Variants in ANKRD27 observed in about 807,000 individuals in gnomAD.
ANKRD27 encodes the protein ankyrin repeat domain 27.
ANKRD27 carries 112 observed loss-of-function variants against 129.7 expected under a neutral mutation model. The ratio of observed to expected loss-of-function variants is 0.86; its 90% CI spans 0.74 to 1.01. The LOEUF is 1.01. Among genes scored for constraint, ANKRD27 ranks in the 50% least tolerant of loss-of-function variants. ANKRD27 has a pLI of 0.00. For missense variants in ANKRD27, 1,258 were observed against 1,300.5 expected (o/e 0.97, Z 0.50); for synonymous variants, 516 against 511.2 (o/e 1.01, Z -0.13).
At position 32,627,541 on chromosome 19, in the gene ANKRD27, G is replaced by A. The variant is rs143918630; in HGVS notation, c.1420+542C>T. ...AGCCTCCCAAGAAGCTGGGATTATA[G>A]GCGTGACCACCACAACAGGCTCATT... is the stretch of plus-strand genomic sequence containing the variant. On this transcript the variant is annotated intron_variant, in intron 15 of 28. Transcript: ENST00000306065. Among the ~76,000 whole-genome samples, 673 of 151,904 alleles carry A rather than the reference G, an allele frequency of 4.4e-3. 9 individuals are homozygous for A. The highest frequency in any genetic ancestry group is 6.2e-3 in the Non-Finnish European group (422 of 67,962).
At chr19:32,664,055 C>CAAAAAA (rs869264224) in intron 1 of ANKRD27, among the ~76,000 whole-genome samples, 8 of 31,222 alleles carry the variant, frequency 2.6e-4, no homozygotes, top group African/African-American at 4.1e-4. Flanking sequence ...GACTCTGTCT[C>CAAAAAA]AAAAAAAAAA....
intron 2 of ANKRD27, among the ~76,000 whole-genome samples, chr19:32,650,810 C>T (rs1021432089): frequency 2.2e-5 from 3 of 134,402 alleles, no homozygotes; most frequent in East Asian, 2.2e-4. Context: ...AGTGCAGTGG[C>T]GCAATCATAG....
chr19:32,599,912 G>A (rs967788335), intron 27 of ANKRD27, 60 bp downstream of exon 27: 117 of 1,523,592 alleles, frequency 7.7e-5, no homozygotes, highest in Admixed American at 3.8e-4. Context: ...AGCAGCTTAC[G>A]TGCAGCTTGG....
rs374489955 is a variant in ANKRD27 at position 32,656,455 on chromosome 19, A to G, written c.102+2459T>C. Among the ~76,000 whole-genome samples, 34 of 152,246 alleles carry G rather than the reference A, an allele frequency of 2.2e-4. No individual in the cohort carries two copies. In the South Asian group the frequency reaches 3.5e-3, roughly 16 times the overall value. On this transcript the variant is annotated intron_variant, in intron 2 of 28. Transcript: ENST00000306065. ...GTATGCACTCGCTCAGTGAATGACC[A>G]TCTTTCGCACTAGAATTTAAGCTCC...
At chr19:32,613,706 C>CTTTTTTTTTTTTT (rs58394462) in intron 22 of ANKRD27, among the ~76,000 whole-genome samples, 1 of 132,994 alleles carries the variant, frequency 7.5e-6, no homozygotes. Flanking sequence ...ATTTATGTAA[C>CTTTTTTTTTTTTT]TTTTTTTTTT....
chr19:32,652,123 A>G (rs1967428997), intron 2 of ANKRD27, among the ~76,000 whole-genome samples: 1 of 152,126 alleles, frequency 6.6e-6, no homozygotes, highest in Admixed American at 6.5e-5. Flanking sequence ...GCTTCAGACT[A>G]CTTCTGGAGT....
At chr19:32,651,129 T>C (rs714594) in intron 2 of ANKRD27, among the ~76,000 whole-genome samples, 3,720 of 152,272 alleles carry the variant, frequency 0.024, 76 homozygotes, top group East Asian at 0.12. Flanking sequence ...CCTTAGATGT[T>C]AGGCTAGAAG....
chr19:32,615,067 C>T (rs568969324), intron 22 of ANKRD27, among the ~76,000 whole-genome samples: 8 of 152,220 alleles, frequency 5.3e-5, no homozygotes, highest in Non-Finnish European at 1.0e-4. Context: ...GGAAGGAGAC[C>T]CTTGAGCATC....
intron 4 of ANKRD27, among the ~76,000 whole-genome samples, chr19:32,645,491 T>G (rs1228369985): frequency 6.6e-6 from 1 of 152,032 alleles, no homozygotes; most frequent in East Asian, 1.9e-4. Context: ...CATGCTAGAG[T>G]GCAGTGGTGT....
In ANKRD27 at chr19:32,605,946, C is replaced by T; in HGVS notation, c.2382G>A (p.Lys794=). ...ACQQGHFQVV[K]CLLDSNAKPN... is the part of the protein sequence containing the mutation. Reference sequence around the variant, plus strand: ...GTTTTGCATTCGAATCTAACAGACACTTCACCACCTGGGCCAGAGAAGGAA... The same window carrying T: ...GTTTTGCATTCGAATCTAACAGACATTTCACCACCTGGGCCAGAGAAGGAA... Residue 794 remains lysine, a synonymous_variant, in exon 24 of 29, where the codon AAG becomes AAA. Transcript: ENST00000306065. 1 of 1,613,692 alleles carries T rather than the reference C, an allele frequency of 6.2e-7. No individual in the cohort carries two copies. Among genetic ancestry groups the T allele is most frequent in the Non-Finnish European group, 8.5e-7 (1 of 1,179,840 alleles).
intron 17 of ANKRD27, among the ~76,000 whole-genome samples, 153 bp downstream of exon 17, chr19:32,625,721 C>G (rs1442053031): frequency 6.6e-6 from 1 of 152,152 alleles, no homozygotes. Flanking sequence ...CGTGAGCCAC[C>G]GTGCCTGGCC....
chr19:32,601,866 A>G, intron 26 of ANKRD27, 149 bp downstream of exon 26: 1 of 566,910 alleles, frequency 1.8e-6, no homozygotes, highest in East Asian at 3.0e-5. Flanking sequence ...ATAAATTGGG[A>G]GGTAACATAC....
intron 12 of ANKRD27, chr19:32,636,611 T>C (rs1296712601): frequency 6.6e-6 from 1 of 151,992 alleles, no homozygotes; most frequent in Admixed American, 6.6e-5. Flanking sequence ...GTTTTTGTTG[T>C]CTTCACTGCC....
Position 32,631,535 on chromosome 19 carries a change from A to G in ANKRD27, c.1117-41T>C, listed in dbSNP as rs1308839062. 3.2e-6 allele frequency: 5 copies of G among 1,553,554 alleles called. No homozygotes were observed. The South Asian group carries it at 5.6e-5, about 17-fold the overall frequency. Reference sequence around the variant, plus strand: ...CAAACACACCACGAGATGTCAGTGCAGATCCTTCAAAACCCAGCACCTCAG... The same window carrying G: ...CAAACACACCACGAGATGTCAGTGCGGATCCTTCAAAACCCAGCACCTCAG... On this transcript the variant is annotated intron_variant, in intron 12 of 28. Coordinates refer to ENST00000306065, the MANE Select transcript of ANKRD27 (RefSeq NM_032139.3).
Position 32,613,866 on chromosome 19 carries a change from G to A in ANKRD27, c.2175+1792C>T, listed in dbSNP as rs35550762. On this transcript the variant is annotated intron_variant, in intron 22 of 28. Coordinates refer to ENST00000306065, the MANE Select transcript of ANKRD27 (RefSeq NM_032139.3). ...TGGGACTAGAAGCGCCCGCCACCACGCCCAGCTAATTTTTTGTATATTTAG... is the reference window on the plus strand; with the variant it reads ...TGGGACTAGAAGCGCCCGCCACCACACCCAGCTAATTTTTTGTATATTTAG... Among the ~76,000 whole-genome samples, 87 of 151,954 alleles carry A rather than the reference G, an allele frequency of 5.7e-4. No individual in the cohort carries two copies. In the East Asian group the frequency reaches 0.014, roughly 25 times the overall value.
At chr19:32,616,024 G>C (rs1971913081) in intron 21 of ANKRD27, among the ~76,000 whole-genome samples, 1 of 152,044 alleles carries the variant, frequency 6.6e-6, no homozygotes, top group African/African-American at 2.4e-5. Context: ...GCTGCCTCAG[G>C]GTGATGGCTT....
intron 12 of ANKRD27, among the ~76,000 whole-genome samples, chr19:32,632,207 T>C (rs1476030946): frequency 6.6e-6 from 1 of 151,962 alleles, no homozygotes; most frequent in Non-Finnish European, 1.5e-5. Flanking sequence ...AAGAATCACT[T>C]AAACCTGGGA....
intron 24 of ANKRD27, 87 bp downstream of exon 24, chr19:32,605,747 AT>A (rs1235062795): frequency 2.6e-6 from 4 of 1,546,440 alleles, no homozygotes; most frequent in Admixed American, 1.9e-5. Flanking sequence ...GGGCCTCTCC[AT>A]CCCCAGTGCG....
chr19:32,629,164 A>C (rs753021679), intron 13 of ANKRD27, among the ~76,000 whole-genome samples: 1 of 152,060 alleles, frequency 6.6e-6, no homozygotes, highest in Non-Finnish European at 1.5e-5. Flanking sequence ...CAAGTGATCC[A>C]CCCATCTCGG....
Sources: gnomAD v4.1 joint callset for allele counts (sites outside exome capture counted in the v4.1 genomes callset) on GRCh38, gnomAD v4.1.1 for gene constraint, MANE v1.5 for transcripts, NCBI Gene and HGNC (gene_info 2026-07-23, HGNC 2026-07-21) for gene names.